Variants in SCEL observed in about 807,000 individuals in gnomAD.
The protein encoded by SCEL is sciellin.
A neutral mutation model predicts 117.6 loss-of-function variants in SCEL; 113 were observed. The observed-to-expected ratio is 0.96, with a 90% CI of 0.83 to 1.12. The LOEUF (loss-of-function observed/expected upper bound fraction) is 1.12, where lower values mean the gene tolerates loss of function less well. Among genes scored for constraint, SCEL ranks in the 50% most tolerant of loss-of-function variants. The pLI is 0.00. For synonymous variants in SCEL, 270 were observed against 256.2 expected (o/e 1.05, Z -0.51); for missense variants, 785 against 810.8 (o/e 0.97, Z 0.39).
chr13:77,624,312 G>T (rs971981392), intron 27 of SCEL, among the ~76,000 whole-genome samples: 16 of 151,814 alleles, frequency 1.1e-4, no homozygotes, highest in Non-Finnish European at 2.4e-4. Flanking sequence ...CACCATGTTG[G>T]TCAGGCTGGT....
chr13:77,541,732 C>G (rs2083714782), intron 1 of SCEL, among the ~76,000 whole-genome samples: 1 of 151,914 alleles, frequency 6.6e-6, no homozygotes, highest in Non-Finnish European at 1.5e-5. Context: ...TTTATGCTTT[C>G]TTGTATTTTC....
rs2088442828 is a variant in SCEL at position 77,609,041 on chromosome 13, T to C, written c.1218-17T>C. 1 of 1,560,476 alleles carries C rather than the reference T, an allele frequency of 6.4e-7. No individual in the cohort carries two copies. The highest frequency in any genetic ancestry group is 2.3e-5 in the East Asian group (1 of 44,358). On this transcript the variant is annotated splice_polypyrimidine_tract_variant and intron_variant, in intron 20 of 32. Coordinates refer to ENST00000349847, the MANE Select transcript of SCEL (RefSeq NM_144777.3). ...TTCCATTTTTATTTATGATGTTTTT[T>C]GTTTTTTTGTTTGAAGTTCCAAAGA...
At position 77,606,325 on chromosome 13, in the gene SCEL, G is replaced by C. The variant is rs375279763; in HGVS notation, c.1158-1731G>C. Among the ~76,000 whole-genome samples, 10 of 152,250 alleles carry C rather than the reference G, an allele frequency of 6.6e-5. 2 individuals carry two copies. Among genetic ancestry groups the C allele is most frequent in the Admixed American group, 6.5e-4 (10 of 15,294 alleles). On this transcript the variant is annotated intron_variant, in intron 19 of 32. Coordinates refer to ENST00000349847, the MANE Select transcript of SCEL (RefSeq NM_144777.3). ...TGTGTATGTACCTGTGTGTGTGAGC[G>C]TATGCGTAGTCCTTATGGACTCTAT...
chr13:77,566,457 A>G (rs1332731188), intron 5 of SCEL, among the ~76,000 whole-genome samples: 1 of 149,198 alleles, frequency 6.7e-6, no homozygotes, highest in Middle Eastern at 3.2e-3. Flanking sequence ...CCGTTGGCAT[A>G]TAATGATAAC....
chr13:77,539,842 G>C (rs1311451858), intron 1 of SCEL, among the ~76,000 whole-genome samples: 1 of 152,092 alleles, frequency 6.6e-6, no homozygotes, highest in Non-Finnish European at 1.5e-5. Context: ...CTGAAACTTA[G>C]ACAATAATTT....
At chr13:77,614,014 A>C in intron 24 of SCEL, 59 bp downstream of exon 24, 2 of 1,331,460 alleles carry the variant, frequency 1.5e-6, no homozygotes, top group South Asian at 2.4e-5. Flanking sequence ...AAATTAATAG[A>C]AATGATTTAG....
At chr13:77,556,738 G>T in intron 3 of SCEL, 25 bp downstream of exon 3, 1 of 1,473,294 alleles carries the variant, frequency 6.8e-7, no homozygotes, top group South Asian at 1.1e-5. Flanking sequence ...AGCGTGGTGG[G>T]TGGACAGAAG....
chr13:77,642,422 T>C (rs747359457), intron 31 of SCEL, among the ~76,000 whole-genome samples: 4 of 152,204 alleles, frequency 2.6e-5, no homozygotes, highest in African/African-American at 7.2e-5. Flanking sequence ...TTTCTCTCCA[T>C]GAGGTTGTGC....
chr13:77,583,601 C>T (rs1432693358), intron 9 of SCEL, among the ~76,000 whole-genome samples: 3 of 152,036 alleles, frequency 2.0e-5, no homozygotes, highest in Non-Finnish European at 4.4e-5. Context: ...TTAATAGATT[C>T]GCAGTGAAAA....
chr13:77,613,995 G>A, intron 24 of SCEL, 40 bp downstream of exon 24: 2 of 1,460,668 alleles, frequency 1.4e-6, no homozygotes, highest in Non-Finnish European at 1.9e-6. Flanking sequence ...TTCTCGTTAA[G>A]TAAACCCAAA....
At chr13:77,628,254 T>C (rs1336863234) in intron 28 of SCEL, among the ~76,000 whole-genome samples, 1 of 151,654 alleles carries the variant, frequency 6.6e-6, no homozygotes, top group Admixed American at 6.6e-5. Context: ...ATATAATTCT[T>C]ATTCTGTTAG....
Position 77,572,034 on chromosome 13 carries a change from T to C in SCEL, c.480-90T>C, listed in dbSNP as rs1048091109. 44 of 1,070,694 alleles carry C rather than the reference T, an allele frequency of 4.1e-5. No individual in the cohort carries two copies. In the Admixed American group the frequency reaches 7.9e-4, roughly 19 times the overall value. The allele number at this position is 1,070,694 out of a possible 1,614,324, so 66.3% of individuals were successfully genotyped here. A position where few individuals can be genotyped will look rare whatever the true frequency, so the allele number is the denominator to read the frequency against. Reference sequence around the variant, plus strand: ...ACTTCCAAGGTTTGGTATAATCTCATTGTCTTTTTAACTGTCAAATTATTT... The same window carrying C: ...ACTTCCAAGGTTTGGTATAATCTCACTGTCTTTTTAACTGTCAAATTATTT... On this transcript the variant is annotated intron_variant, in intron 8 of 32. Coordinates refer to ENST00000349847, the MANE Select transcript of SCEL (RefSeq NM_144777.3).
rs561883921 is a variant in SCEL, at chr13:77,609,137, C to T, written c.1277+20C>T. The T allele has an allele frequency of 1.3e-6, 2 of 1,563,178 alleles. No homozygotes were observed. The highest frequency in any genetic ancestry group is 1.7e-6 in the Non-Finnish European group (2 of 1,155,828). ...TGAAGGGTAAGATTTAATAAGCTCC[C>T]TTTTTTGTTTCATAGTAACCAATGC... On this transcript the variant is annotated intron_variant, in intron 21 of 32. Coordinates refer to ENST00000349847, the MANE Select transcript of SCEL (RefSeq NM_144777.3).
Position 77,602,060 on chromosome 13 carries a change from TA to T in SCEL, c.918-2del. 13 of 1,606,638 alleles carry T rather than the reference TA, an allele frequency of 8.1e-6. No individual in the cohort carries two copies. The highest frequency in any genetic ancestry group is 1.1e-5 in the Non-Finnish European group (13 of 1,177,316). On this transcript the variant is annotated splice_region_variant and splice_polypyrimidine_tract_variant and intron_variant, in intron 15 of 32. Transcript: ENST00000349847. ...TTCTCTTTCTTTTCCCCCAATGTTG[TA>T]AAGAATCCAAAGCCTTGGAAGTCCG... is the stretch of plus-strand genomic sequence containing the variant.
chr13:77,619,864 C>G (rs1275900966), intron 27 of SCEL, among the ~76,000 whole-genome samples: 1 of 152,096 alleles, frequency 6.6e-6, no homozygotes, highest in African/African-American at 2.4e-5. Context: ...CTCCCACATC[C>G]CCTTCCCAAC....
chr13:77,579,049 G>A (rs183735099), intron 9 of SCEL, among the ~76,000 whole-genome samples: 5 of 152,300 alleles, frequency 3.3e-5, no homozygotes, highest in Admixed American at 3.3e-4. Flanking sequence ...ACATGGTAAA[G>A]GTAAGGTGTA....
intron 5 of SCEL, among the ~76,000 whole-genome samples, chr13:77,564,556 T>C (rs1429486239): frequency 6.6e-6 from 1 of 152,124 alleles, no homozygotes; most frequent in Admixed American, 6.6e-5. Flanking sequence ...TTAGATTTGG[T>C]AGAGGCGCTT....
At chr13:77,611,841 C>A (rs1195952022) in intron 22 of SCEL, among the ~76,000 whole-genome samples, 5 of 152,114 alleles carry the variant, frequency 3.3e-5, no homozygotes, top group Non-Finnish European at 5.9e-5. Context: ...TCGTGAAACA[C>A]TTAGTGTTCA....
At chr13:77,576,582 C>G (rs922873057) in intron 9 of SCEL, among the ~76,000 whole-genome samples, 1 of 152,100 alleles carries the variant, frequency 6.6e-6, no homozygotes, top group African/African-American at 2.4e-5. Context: ...TTTGGGTAGC[C>G]CACTGCCCAT....
Sources: gnomAD v4.1 joint callset for allele counts (sites outside exome capture counted in the v4.1 genomes callset) on GRCh38, gnomAD v4.1.1 for gene constraint, MANE v1.5 for transcripts, NCBI Gene and HGNC (gene_info 2026-07-23, HGNC 2026-07-21) for gene names.